Variants in FRMD4A observed in about 807,000 individuals in gnomAD.
The protein encoded by FRMD4A is FERM domain-containing protein 4A.
FRMD4A carries 29 observed loss-of-function variants against 129.1 expected under a neutral mutation model. The ratio of observed to expected loss-of-function variants is 0.22; its 90% CI spans 0.17 to 0.31. FRMD4A has a LOEUF of 0.31. Among genes scored for constraint, FRMD4A ranks in the 10% least tolerant of loss-of-function variants. The pLI is 1.00. For missense variants in FRMD4A, 1,272 were observed against 1,375.8 expected, an observed-to-expected ratio of 0.92 and a Z score of 1.19; for synonymous variants, 634 against 571.6, an observed-to-expected ratio of 1.11 and a Z score of -1.56.
At chr10:13,828,836 C>T (rs749694256) in intron 3 of FRMD4A, among the ~76,000 whole-genome samples, 2 of 152,134 alleles carry the variant, frequency 1.3e-5, no homozygotes, top group Non-Finnish European at 2.9e-5. Context: ...CAGGCCACCA[C>T]GTTTTCTTTA....
At chr10:13,808,954 T>A (rs1223236668) in intron 4 of FRMD4A, among the ~76,000 whole-genome samples, 2 of 152,224 alleles carry the variant, frequency 1.3e-5, no homozygotes, top group African/African-American at 4.8e-5. Context: ...AAGACACTTT[T>A]ATCCAGCCTG....
intron 2 of FRMD4A, among the ~76,000 whole-genome samples, chr10:14,264,788 C>CT (rs754147886): frequency 6.6e-4 from 96 of 146,244 alleles, no homozygotes; most frequent in African/African-American, 1.3e-3. Context: ...AAAAGAAACA[C>CT]TTTTTTTTTT....
intron 3 of FRMD4A, among the ~76,000 whole-genome samples, chr10:13,849,966 C>G (rs1180748349): frequency 6.6e-6 from 1 of 151,200 alleles, no homozygotes; most frequent in Non-Finnish European, 1.5e-5. Context: ...ATCAGGAGTT[C>G]GAGACCAGCC....
chr10:13,710,791 TCA>T (rs2087941185), intron 12 of FRMD4A: 1 of 152,390 alleles, frequency 6.6e-6, no homozygotes, highest in African/African-American at 2.4e-5. Context: ...GGTGGGCAGA[TCA>T]CTTGAGGTCA....
intron 2 of FRMD4A, chr10:13,891,629 A>AT (rs71388130): frequency 5.1e-5 from 50 of 984,908 alleles, no homozygotes; most frequent in Non-Finnish European, 5.9e-5. Context: ...ATTACCTTTT[A>AT]TTTTTTGCGC....
chr10:14,268,986 C>G (rs1845072811), intron 2 of FRMD4A, among the ~76,000 whole-genome samples: 1 of 152,218 alleles, frequency 6.6e-6, no homozygotes, highest in South Asian at 2.1e-4. Flanking sequence ...AGTGACAAAA[C>G]TTTCTGAGGT....
At chr10:13,842,134 G>A (rs2093977385) in intron 3 of FRMD4A, among the ~76,000 whole-genome samples, 1 of 152,184 alleles carries the variant, frequency 6.6e-6, no homozygotes, top group Non-Finnish European at 1.5e-5. Context: ...CTTGAAGGCA[G>A]AGGGGTTTGG....
At chr10:13,737,257 T>G (rs1456338006) in intron 12 of FRMD4A, among the ~76,000 whole-genome samples, 2 of 152,174 alleles carry the variant, frequency 1.3e-5, no homozygotes, top group African/African-American at 4.8e-5. Context: ...GCCCAGCTAA[T>G]TTTTGTATTT....
At chr10:14,018,389 G>C (rs1278617286) in intron 2 of FRMD4A, among the ~76,000 whole-genome samples, 1 of 142,502 alleles carries the variant, frequency 7.0e-6, no homozygotes, top group Non-Finnish European at 1.5e-5. Context: ...CCGGGAGGCA[G>C]AGGTTGCAGT....
At chr10:13,942,867 A>AG (rs2095303606) in intron 2 of FRMD4A, among the ~76,000 whole-genome samples, 1 of 151,860 alleles carries the variant, frequency 6.6e-6, no homozygotes, top group African/African-American at 2.4e-5. Flanking sequence ...CAGGAGGTGG[A>AG]GGTTTCAGTG....
intron 2 of FRMD4A, among the ~76,000 whole-genome samples, chr10:14,231,361 G>A (rs1011770542): frequency 4.6e-5 from 4 of 87,556 alleles, no homozygotes; most frequent in Non-Finnish European, 9.2e-5. Flanking sequence ...TTTTTTTTTT[G>A]AGACGGAGTC....
intron 2 of FRMD4A, among the ~76,000 whole-genome samples, chr10:14,023,278 T>C (rs1237805010): frequency 6.6e-6 from 1 of 151,980 alleles, no homozygotes; most frequent in Non-Finnish European, 1.5e-5. Context: ...CGATTCCCTC[T>C]GGGAATTCTG....
At chr10:13,658,937 G>A (rs2082408627) in intron 21 of FRMD4A, among the ~76,000 whole-genome samples, 1 of 149,384 alleles carries the variant, frequency 6.7e-6, no homozygotes, top group African/African-American at 2.5e-5. Flanking sequence ...CCTCATTTTT[G>A]CCTGGCTCTT....
At chr10:13,795,559 A>T (rs1429131639) in intron 5 of FRMD4A, among the ~76,000 whole-genome samples, 1 of 152,162 alleles carries the variant, frequency 6.6e-6, no homozygotes, top group Admixed American at 6.5e-5. Flanking sequence ...TATCATTTGT[A>T]TCTCGCTCCT....
rs188447221 is a variant in FRMD4A at position 14,111,008 on chromosome 10, A to T, written c.45+219050T>A. Reference sequence around the variant, plus strand: ...ATTTTTAAGAAATGTGAGAAAGTACACATATCATAAAATTTACCTTCTTTA... The same window carrying T: ...ATTTTTAAGAAATGTGAGAAAGTACTCATATCATAAAATTTACCTTCTTTA... On this transcript the variant is annotated intron_variant, in intron 2 of 24. Transcript: ENST00000357447. 2.0e-5 allele frequency among the ~76,000 whole-genome samples: 3 copies of T among 152,328 alleles called. No homozygotes were observed. The East Asian group carries it at 5.8e-4, about 29-fold the overall frequency.
At chr10:14,319,194 C>G (rs578210710) in intron 2 of FRMD4A, among the ~76,000 whole-genome samples, 1 of 152,186 alleles carries the variant, frequency 6.6e-6, no homozygotes, top group Admixed American at 6.5e-5. Flanking sequence ...AGCTGAAGCT[C>G]CAGTGTGGAA....
At chr10:14,272,446 T>C (rs1263304087) in intron 2 of FRMD4A, among the ~76,000 whole-genome samples, 2 of 152,186 alleles carry the variant, frequency 1.3e-5, no homozygotes, top group African/African-American at 2.4e-5. Context: ...TTGACCTTAT[T>C]GTGAAAGATG....
chr10:14,196,333 G>A (rs1015107325), intron 2 of FRMD4A, among the ~76,000 whole-genome samples: 6 of 152,194 alleles, frequency 3.9e-5, no homozygotes, highest in South Asian at 2.1e-4. Flanking sequence ...TGATCCCAGA[G>A]TCTCTGCCAG....
At chr10:13,719,650 A>C (rs1195549265) in intron 12 of FRMD4A, among the ~76,000 whole-genome samples, 5 of 152,156 alleles carry the variant, frequency 3.3e-5, no homozygotes, top group Non-Finnish European at 7.4e-5. Flanking sequence ...ATTAAGAAGA[A>C]GGAGGGGGAA....
Sources: gnomAD v4.1 joint callset for allele counts (sites outside exome capture counted in the v4.1 genomes callset) on GRCh38, gnomAD v4.1.1 for gene constraint, MANE v1.5 for transcripts, NCBI Gene and HGNC (gene_info 2026-07-23, HGNC 2026-07-21) for gene names.